Variants in RPAP3 observed in about 807,000 individuals in gnomAD.
RPAP3 encodes the protein RNA polymerase II associated protein 3, also known as RNA polymerase II-associated protein 3.
Under a neutral mutation model 88.8 loss-of-function variants are expected in RPAP3, and 58 were observed. The observed-to-expected ratio is 0.65, with a 90% confidence interval of 0.53 to 0.81. The LOEUF (loss-of-function observed/expected upper bound fraction) is 0.81, where lower values mean the gene tolerates loss of function less well. Among genes scored for constraint, RPAP3 ranks in the 40% least tolerant of loss-of-function variants. RPAP3 has a pLI of 0.00. For missense variants in RPAP3, 751 were observed against 764.3 expected (o/e 0.98, Z 0.20); for synonymous variants, 255 against 259.9 (o/e 0.98, Z 0.18).
chr12:47,667,023 C>A lies in RPAP3; in HGVS notation c.1869G>T (p.Arg623Ser), dbSNP rs1416868759. 6.5e-6 allele frequency: 10 copies of A among 1,538,816 alleles called. No homozygotes were observed. The highest frequency in any genetic ancestry group is 8.7e-6 in the Non-Finnish European group (10 of 1,151,440). Residue 623 changes from arginine to serine, a missense_variant, in exon 16 of 17, where the codon AGG becomes AGT. Coordinates refer to ENST00000005386, the MANE Select transcript of RPAP3 (RefSeq NM_024604.3). ...EILQRLSELK[R>S]FDMAVMFMSE... Reference sequence around the variant, plus strand: ...ACATAAACATCACTGCCATATCAAACCTTTTTAGTTCAGAAAGTCTTTGTA... The same window carrying A: ...ACATAAACATCACTGCCATATCAAAACTTTTTAGTTCAGAAAGTCTTTGTA...
intron 9 of RPAP3, among the ~76,000 whole-genome samples, chr12:47,683,691 T>C (rs939252359): frequency 6.6e-6 from 1 of 152,124 alleles, no homozygotes; most frequent in Admixed American, 6.6e-5. Flanking sequence ...ACAAACATCT[T>C]TTAGGTGGTT....
In RPAP3 at chr12:47,661,801, T is replaced by C. The variant is rs1938765147; in HGVS notation, c.*1704A>G. 1 of 152,186 alleles carries C rather than the reference T, an allele frequency of 6.6e-6. No homozygotes were observed. The highest frequency in any genetic ancestry group is 1.5e-5 in the Non-Finnish European group (1 of 68,036). The allele number at this position is 152,186 out of a possible 1,614,324, so 9.4% of individuals were successfully genotyped here. On this transcript the variant is annotated 3_prime_UTR_variant, in exon 17 of 17. Transcript: ENST00000005386. ...TAGCTCTATAATCATGCAGAGAACA[T>C]TAACCCTCTGAGCCTCCTTTTCTTA...
chr12:47,691,680 T>C (rs1004059801), intron 5 of RPAP3, among the ~76,000 whole-genome samples: 5 of 152,236 alleles, frequency 3.3e-5, no homozygotes, highest in African/African-American at 1.2e-4. Context: ...CATGTCCTTG[T>C]ACATCTCCAT....
rs1026345061 is a variant in RPAP3, at chr12:47,670,330, C to G, written c.1303G>C (p.Val435Leu). ...HPGSTKPLKK[V>L]IIEETGNLIQ... Reference sequence around the variant, plus strand: ...AAATTACCAGTTTCTTCAATAATAACCTTCTTGAGTGGTTTCTAAAACAAT... The same window carrying G: ...AAATTACCAGTTTCTTCAATAATAAGCTTCTTGAGTGGTTTCTAAAACAAT... The change falls in exon 13 of 17, where the codon GTT becomes CTT. Residue 435 changes from valine (V) to leucine (L), a missense_variant. Coordinates refer to ENST00000005386, the MANE Select transcript of RPAP3 (RefSeq NM_024604.3). 37 of 1,588,906 alleles carry G rather than the reference C, an allele frequency of 2.3e-5. No homozygotes were observed. Among genetic ancestry groups the G allele is most frequent in the Non-Finnish European group, 3.1e-5 (36 of 1,160,202 alleles).
chr12:47,679,650 ATATATT>A lies in RPAP3; in HGVS notation c.1185+48_1185+53del, dbSNP rs944120879. On this transcript the variant is annotated intron_variant, in intron 11 of 16. Transcript: ENST00000005386. ...AAAATATTTATTATACAACAAATAAATATATTTATGTTTCAGAAAATATGACCATGT... is the reference window on the plus strand; with the variant it reads ...AAAATATTTATTATACAACAAATAAATATGTTTCAGAAAATATGACCATGT... 50 of 1,523,354 alleles carry A rather than the reference ATATATT, an allele frequency of 3.3e-5. No individual in the cohort carries two copies. In the Admixed American group the frequency reaches 8.3e-4, roughly 25 times the overall value. 94.4% of individuals were successfully genotyped at this position (1,523,354 alleles called of 1,614,324 possible).
At chr12:47,699,340 A>G (rs766243840) in intron 3 of RPAP3, 6 of 152,236 alleles carry the variant, frequency 3.9e-5, no homozygotes, top group Non-Finnish European at 8.8e-5. Flanking sequence ...CCAACTGATG[A>G]AAAGGAACAG....
chr12:47,681,932 A>ACACAG, intron 9 of RPAP3, 115 bp from the exon 10 acceptor site: 2 of 1,002,616 alleles, frequency 2.0e-6, no homozygotes, highest in Non-Finnish European at 2.8e-6. Flanking sequence ...CTAACTTCTA[A>ACACAG]ATCTGTGTTT....
chr12:47,672,129 G>C (rs139225899), intron 12 of RPAP3, among the ~76,000 whole-genome samples: 82 of 152,184 alleles, frequency 5.4e-4, no homozygotes, highest in East Asian at 4.2e-3. Flanking sequence ...TTTTAGCAGA[G>C]ACAAAAGGAT....
At position 47,667,070 on chromosome 12, in the gene RPAP3, G is replaced by T; in HGVS notation, c.1822C>A (p.Pro608Thr). ...TGTAAGATTTCAAAGATGAGTAATG[G>T]CTTTTCTTTCCTGAAATAATCCAAA... ...LHDFYIEKEK[P>T]LLIFEILQRL... The change falls in exon 16 of 17, where the codon CCA (proline) becomes ACA (threonine). Residue 608 changes from proline (P) to threonine (T), a missense_variant. Physicochemically the swap from Pro to Thr is conservative, Grantham distance 38. Transcript: ENST00000005386. 6.8e-7 allele frequency: 1 copy of T among 1,463,320 alleles called. No individual in the cohort carries two copies. Among genetic ancestry groups the T allele is most frequent in the Non-Finnish European group, 9.1e-7 (1 of 1,097,316 alleles). 90.6% of individuals were successfully genotyped at this position (1,463,320 alleles called of 1,614,324 possible).
At chr12:47,684,854 G>C (rs1939291260) in intron 9 of RPAP3, among the ~76,000 whole-genome samples, 1 of 152,140 alleles carries the variant, frequency 6.6e-6, no homozygotes, top group Admixed American at 6.5e-5. Context: ...ACTCTGACTA[G>C]TCAACAAAAG....
intron 9 of RPAP3, among the ~76,000 whole-genome samples, chr12:47,686,483 T>C (rs1294864397): frequency 6.6e-6 from 1 of 151,020 alleles, no homozygotes; most frequent in Non-Finnish European, 1.5e-5. Flanking sequence ...GAACATCTAC[T>C]GAATACACAC....
rs765093023 is a variant in RPAP3, at chr12:47,663,487, T to C, written c.*18A>G. The C allele has an allele frequency of 1.3e-6, 2 of 1,525,218 alleles. No individual in the cohort carries two copies. Among genetic ancestry groups the C allele is most frequent in the Non-Finnish European group, 1.8e-6 (2 of 1,117,840 alleles). 94.5% of individuals were successfully genotyped at this position (1,525,218 alleles called of 1,614,324 possible). On this transcript the variant is annotated 3_prime_UTR_variant, in exon 17 of 17. Transcript: ENST00000005386. ...TACATATGAAAGTCAAAAACAATTA[T>C]TTCAGCAAAAATGGAAATCAACCAC... is the stretch of plus-strand genomic sequence containing the variant.
intron 3 of RPAP3, chr12:47,699,323 G>A (rs1939604243): frequency 6.6e-6 from 1 of 152,170 alleles, no homozygotes; most frequent in Admixed American, 6.5e-5. Flanking sequence ...GGCATTATAA[G>A]AAGACACCAA....
At chr12:47,663,665 A>T in intron 16 of RPAP3, 75 bp from the exon 17 acceptor site, 1 of 814,050 alleles carries the variant, frequency 1.2e-6, no homozygotes, top group Non-Finnish European at 1.9e-6. Flanking sequence ...TAAAAGGAGC[A>T]ATCTATTTGT....
intron 16 of RPAP3, among the ~76,000 whole-genome samples, chr12:47,665,963 C>T (rs1938866388): frequency 6.6e-6 from 1 of 152,110 alleles, no homozygotes; most frequent in South Asian, 2.1e-4. Flanking sequence ...ATGTCCACTT[C>T]CCTAAGTGTA....
intron 3 of RPAP3, among the ~76,000 whole-genome samples, chr12:47,698,064 T>C (rs1228476597): frequency 6.6e-6 from 1 of 152,130 alleles, no homozygotes; most frequent in African/African-American, 2.4e-5. Flanking sequence ...TAGCACCCAG[T>C]AGCAGAAAAA....
intron 12 of RPAP3, among the ~76,000 whole-genome samples, chr12:47,678,594 G>A (rs1939161957): frequency 6.6e-6 from 1 of 152,154 alleles, no homozygotes; most frequent in Admixed American, 6.5e-5. Flanking sequence ...CAAAGGATAT[G>A]AACAGACACT....
rs1300738514 is a variant in RPAP3, at chr12:47,686,783, T to C, written c.989A>G (p.Gln330Arg). Residue 330 changes from glutamine (Q) to arginine (R), a missense_variant, in exon 9 of 17, where the codon CAG becomes CGG. Gln to Arg is a conservative substitution (Grantham distance 43, BLOSUM62 1). Coordinates refer to ENST00000005386, the MANE Select transcript of RPAP3 (RefSeq NM_024604.3). ...CTAAAATGTAACCAATACTTACTTCTGAATCTTCAGATAGGCCATAGCTCT... is the reference window on the plus strand; with the variant it reads ...CTAAAATGTAACCAATACTTACTTCCGAATCTTCAGATAGGCCATAGCTCT... ...ANRAMAYLKIQKYEEAEKDCT... is the reference protein window; with the variant it reads ...ANRAMAYLKIRKYEEAEKDCT... 14 of 1,571,726 alleles carry C rather than the reference T, an allele frequency of 8.9e-6. No individual in the cohort carries two copies. Among genetic ancestry groups the C allele is most frequent in the Non-Finnish European group, 1.2e-5 (14 of 1,162,164 alleles).
At chr12:47,690,294 T>C (rs1045251832) in intron 6 of RPAP3, among the ~76,000 whole-genome samples, 6 of 152,208 alleles carry the variant, frequency 3.9e-5, no homozygotes, top group Admixed American at 2.6e-4. Context: ...ATTGGTCACA[T>C]AGTTAGTACT....
Sources: gnomAD v4.1 joint callset for allele counts (sites outside exome capture counted in the v4.1 genomes callset) on GRCh38, gnomAD v4.1.1 for gene constraint, MANE v1.5 for transcripts, NCBI Gene and HGNC (gene_info 2026-07-23, HGNC 2026-07-21) for gene names.